The following RANBP2 variants were observed in gnomAD, a reference collection of about 807,000 sequenced individuals.
RANBP2 encodes the protein RAN binding protein 2.
In RANBP2, 57 loss-of-function variants were observed where a neutral mutation model predicts 303.6. The observed-to-expected ratio is 0.19, with a 90% CI of 0.15 to 0.23. The LOEUF is 0.23. RANBP2 is among the 10% of genes least tolerant of loss of function. The probability of loss-of-function intolerance (pLI) is 1.00; values close to 1 mark genes in which losing one functional copy is unlikely to be tolerated. For synonymous variants in RANBP2, 1,167 were observed against 1,301.5 expected, an observed-to-expected ratio of 0.90 and a Z score of 2.23; for missense variants, 3,138 against 3,780.8, an observed-to-expected ratio of 0.83 and a Z score of 4.46.
At chr2:108,841,828 T>G in the RANBP2 span, among the ~76,000 whole-genome samples, 57 of 152,264 alleles carry the variant, frequency 3.7e-4, no homozygotes, top group African/African-American at 1.4e-3. Flanking sequence ...TTTGGTTCAT[T>G]TTTCTGCTTT....
the RANBP2 span, among the ~76,000 whole-genome samples, chr2:109,012,680 C>T: frequency 1.1e-4 from 16 of 152,274 alleles, no homozygotes; most frequent in South Asian, 2.1e-4. Context: ...TTTGGGAGGC[C>T]GAGGCGGGTG....
chr2:109,263,581 G>A, the RANBP2 span, among the ~76,000 whole-genome samples: 845 of 152,324 alleles, frequency 5.5e-3, 12 homozygotes, highest in African/African-American at 0.02. Context: ...GCTTTTAGGA[G>A]GTGGATTTTC....
chr2:109,125,916 T>G, the RANBP2 span, among the ~76,000 whole-genome samples: 3 of 152,232 alleles, frequency 2.0e-5, no homozygotes, highest in Non-Finnish European at 4.4e-5. Flanking sequence ...GTAGGCCAAT[T>G]TGACCACACA....
the RANBP2 span, among the ~76,000 whole-genome samples, chr2:109,189,991 C>T: frequency 2.6e-5 from 4 of 152,172 alleles, no homozygotes; most frequent in East Asian, 3.8e-4. Context: ...CAGATCTGCT[C>T]GTGGTTTATC....
At chr2:109,636,162 C>T in the RANBP2 span, among the ~76,000 whole-genome samples, 1 of 152,106 alleles carries the variant, frequency 6.6e-6, no homozygotes, top group Non-Finnish European at 1.5e-5. Flanking sequence ...TTCCAGCCTC[C>T]AAAACTGTGA....
the RANBP2 span, among the ~76,000 whole-genome samples, chr2:109,216,535 G>T: frequency 1.3e-5 from 2 of 152,206 alleles, no homozygotes; most frequent in African/African-American, 4.8e-5. Context: ...TTGCTTCTGT[G>T]ATACAGAAAG....
the RANBP2 span, among the ~76,000 whole-genome samples, chr2:109,723,181 T>G: frequency 6.6e-6 from 1 of 152,214 alleles, no homozygotes; most frequent in African/African-American, 2.4e-5. Context: ...AGACAGAATC[T>G]CACTCTGTCA....
chr2:109,369,629 C>T, the RANBP2 span, among the ~76,000 whole-genome samples: 4 of 152,270 alleles, frequency 2.6e-5, no homozygotes, highest in African/African-American at 7.2e-5. Context: ...GTGGCCCCCA[C>T]GCTCTACTTG....
At chr2:109,419,888 T>C in the RANBP2 span, among the ~76,000 whole-genome samples, 2 of 152,308 alleles carry the variant, frequency 1.3e-5, no homozygotes, top group South Asian at 4.1e-4. Context: ...GTATTCACAG[T>C]GCAGTTCCCA....
chr2:109,671,052 C>G, the RANBP2 span, among the ~76,000 whole-genome samples: 4 of 152,204 alleles, frequency 2.6e-5, no homozygotes, highest in African/African-American at 9.6e-5. Flanking sequence ...GAAACTGGCC[C>G]CTGCCACCCA....
chr2:108,865,504 A>G, the RANBP2 span, among the ~76,000 whole-genome samples: 1 of 152,174 alleles, frequency 6.6e-6, no homozygotes, highest in South Asian at 2.1e-4. Flanking sequence ...TAGACAAAAT[A>G]ATTACCTCTC....
chr2:109,273,547 G>A, the RANBP2 span, among the ~76,000 whole-genome samples: 3 of 152,366 alleles, frequency 2.0e-5, no homozygotes, highest in African/African-American at 7.2e-5. Flanking sequence ...CGTGTTTAGT[G>A]AATGCATGTG....
chr2:109,390,575 G>A, the RANBP2 span, among the ~76,000 whole-genome samples: 11 of 152,172 alleles, frequency 7.2e-5, no homozygotes, highest in African/African-American at 9.7e-5. Flanking sequence ...TCATTTCCCC[G>A]TGAGGACTAG....
At chr2:109,327,370 C>G in the RANBP2 span, among the ~76,000 whole-genome samples, 1 of 152,152 alleles carries the variant, frequency 6.6e-6, no homozygotes, top group South Asian at 2.1e-4. Context: ...TCAGTTCCAT[C>G]GGTCTATTTG....
rs371654154 is a variant in RANBP2, at chr2:108,738,277, G to A, written c.782+2028G>A. 1.5e-4 allele frequency among the ~76,000 whole-genome samples: 22 copies of A among 151,258 alleles called. 1 individual carries two copies. In the East Asian group the frequency reaches 1.6e-3, roughly 11 times the overall value. On this transcript the variant is annotated intron_variant, in intron 6 of 28. Transcript: ENST00000283195. ...TTTTTAGTAGAGATGGGGTTTCACC[G>A]CGTTAGCCAGGATGGTCTTGATCTC...
At chr2:108,731,738 A>G (rs949222814) in intron 4 of RANBP2, 3 of 551,110 alleles carry the variant, frequency 5.4e-6, no homozygotes, top group African/African-American at 2.0e-5. Flanking sequence ...TAAACTAAGT[A>G]GAGCTAAGAT....
the RANBP2 span, among the ~76,000 whole-genome samples, chr2:109,400,581 A>G: frequency 1.5e-3 from 231 of 151,900 alleles, no homozygotes; most frequent in African/African-American, 5.3e-3. Context: ...GTGCGCACAC[A>G]CACACACACT....
the RANBP2 span, among the ~76,000 whole-genome samples, chr2:108,957,014 T>A: frequency 6.6e-6 from 1 of 152,328 alleles, no homozygotes; most frequent in East Asian, 1.9e-4. Flanking sequence ...GGTGTCAAAC[T>A]CCCGACCTCA....
At chr2:109,395,697 G>T in the RANBP2 span, among the ~76,000 whole-genome samples, 1 of 152,238 alleles carries the variant, frequency 6.6e-6, no homozygotes, top group Non-Finnish European at 1.5e-5. Context: ...TCGGGGACAC[G>T]TGCTGGTGGC....
Sources: gnomAD v4.1 joint callset for allele counts (sites outside exome capture counted in the v4.1 genomes callset) on GRCh38, gnomAD v4.1.1 for gene constraint, MANE v1.5 for transcripts, NCBI Gene and HGNC (gene_info 2026-07-23, HGNC 2026-07-21) for gene names.